Variants in CLNK observed in about 807,000 individuals in gnomAD.
The protein encoded by CLNK is cytokine-dependent hematopoietic cell linker.
A neutral mutation model predicts 68.6 loss-of-function variants in CLNK; 74 were observed. The ratio of observed to expected loss-of-function variants is 1.08; its 90% confidence interval spans 0.89 to 1.31. The LOEUF (loss-of-function observed/expected upper bound fraction) is 1.31, where lower values mean the gene tolerates loss of function less well. CLNK is among the 50% of genes most tolerant of loss of function. CLNK has a pLI of 0.00. For synonymous variants in CLNK, 198 were observed against 172.2 expected (o/e 1.15, Z -1.17); for missense variants, 553 against 515.3 (o/e 1.07, Z -0.71).
intron 2 of CLNK, among the ~76,000 whole-genome samples, chr4:10,605,734 AG>A (rs1337857506): frequency 1.3e-5 from 2 of 150,880 alleles, no homozygotes; most frequent in African/African-American, 4.9e-5. Context: ...AGGCTGAGGC[AG>A]GAGAATCGCT....
At chr4:10,540,626 G>A (rs751435134) in intron 10 of CLNK, 22 bp from the exon 11 acceptor site, 3 of 1,568,148 alleles carry the variant, frequency 1.9e-6, no homozygotes, top group East Asian at 2.2e-5. Flanking sequence ...GTCGCAGTAG[G>A]GTCCTGAGAA....
chr4:10,604,879 A>T (rs1200969920), intron 2 of CLNK, among the ~76,000 whole-genome samples: 2 of 152,228 alleles, frequency 1.3e-5, no homozygotes, highest in Non-Finnish European at 2.9e-5. Flanking sequence ...TGTTTGTTCA[A>T]ACACCAGTGT....
In CLNK at chr4:10,611,646, C is replaced by T. The variant is rs946989961; in HGVS notation, c.12-13597G>A. 3.9e-5 allele frequency among the ~76,000 whole-genome samples: 6 copies of T among 152,104 alleles called. No individual in the cohort carries two copies. In the South Asian group the frequency reaches 1.2e-3, roughly 32 times the overall value. ...CTCCTGGTGCCACACTTTATGATCCCAGCAGGTCCACAAAAAAGAAGGGAA... is the reference window on the plus strand; with the variant it reads ...CTCCTGGTGCCACACTTTATGATCCTAGCAGGTCCACAAAAAAGAAGGGAA... On this transcript the variant is annotated intron_variant, in intron 2 of 18. Coordinates refer to ENST00000226951, the MANE Select transcript of CLNK (RefSeq NM_052964.4).
At chr4:10,511,945 A>T (rs1370782365) in intron 16 of CLNK, among the ~76,000 whole-genome samples, 1 of 152,234 alleles carries the variant, frequency 6.6e-6, no homozygotes, top group Non-Finnish European at 1.5e-5. Context: ...CAGAGTAGTG[A>T]TATAAAGTGA....
chr4:10,561,777 G>A (rs1719896041), intron 7 of CLNK, among the ~76,000 whole-genome samples: 1 of 152,208 alleles, frequency 6.6e-6, no homozygotes, highest in Non-Finnish European at 1.5e-5. Flanking sequence ...CAGGAAAATA[G>A]AAGAATTTTG....
chr4:10,536,822 T>C (rs1042908101), intron 11 of CLNK, among the ~76,000 whole-genome samples: 4 of 152,016 alleles, frequency 2.6e-5, no homozygotes, highest in African/African-American at 9.7e-5. Flanking sequence ...CCCAGAGATA[T>C]CAAATGCCAA....
chr4:10,513,553 G>T lies in CLNK; in HGVS notation c.817C>A (p.Pro273Thr). 1 of 1,608,486 alleles carries T rather than the reference G, an allele frequency of 6.2e-7. No individual in the cohort carries two copies. The highest frequency in any genetic ancestry group is 8.5e-7 in the Non-Finnish European group (1 of 1,177,220). The change falls in exon 16 of 19, where the codon CCT (proline) becomes ACT (threonine). Residue 273 changes from proline to threonine, a missense_variant. Pro to Thr is a conservative substitution (Grantham distance 38, BLOSUM62 -1). Transcript: ENST00000226951. ...MQPCSPQRCQ[P>T]PASCSPHENI... is the part of the protein sequence containing the mutation. ...TCGTGAGGGCTGCAGCTGGCTGGAGGCTGGCATCTCTGAGGAGAACAGGGC... is the reference window on the plus strand; with the variant it reads ...TCGTGAGGGCTGCAGCTGGCTGGAGTCTGGCATCTCTGAGGAGAACAGGGC...
At chr4:10,624,349 C>A (rs1209173973) in intron 2 of CLNK, among the ~76,000 whole-genome samples, 2 of 152,200 alleles carry the variant, frequency 1.3e-5, no homozygotes, top group African/African-American at 4.8e-5. Context: ...CTCTGCTGCC[C>A]AGGCGCCATC....
At chr4:10,706,956 CT>C in the CLNK span, among the ~76,000 whole-genome samples, 1 of 152,104 alleles carries the variant, frequency 6.6e-6, no homozygotes, top group African/African-American at 2.4e-5. Context: ...TTAGGCATGA[CT>C]TTTTAGTACA....
intron 18 of CLNK, among the ~76,000 whole-genome samples, chr4:10,498,650 G>C (rs990401986): frequency 1.3e-5 from 2 of 152,138 alleles, no homozygotes; most frequent in African/African-American, 2.4e-5. Context: ...TTATTAAAAT[G>C]ACTCAGGAAT....
At chr4:10,662,504 G>A (rs1463269177) in intron 2 of CLNK, among the ~76,000 whole-genome samples, 2 of 152,148 alleles carry the variant, frequency 1.3e-5, no homozygotes, top group Non-Finnish European at 2.9e-5. Context: ...TTGCATGTCA[G>A]GTTTTGCTGT....
intron 3 of CLNK, among the ~76,000 whole-genome samples, chr4:10,591,940 G>C (rs1174736818): frequency 6.6e-6 from 1 of 152,132 alleles, no homozygotes; most frequent in Non-Finnish European, 1.5e-5. Context: ...CCCTGAAGGG[G>C]ACCTGGGAAA....
At chr4:10,689,219 T>C (rs1048578678), upstream of CLNK, among the ~76,000 whole-genome samples, 1 of 151,986 alleles carries the variant, frequency 6.6e-6, no homozygotes, top group Non-Finnish European at 1.5e-5. Context: ...ACTGCAGCCT[T>C]GAACTCCTGG....
chr4:10,608,545 C>T (rs1041132177), intron 2 of CLNK, among the ~76,000 whole-genome samples: 3 of 152,226 alleles, frequency 2.0e-5, no homozygotes, highest in African/African-American at 4.8e-5. Context: ...AGCTTCGTCT[C>T]GAACCTTTTG....
chr4:10,571,364 C>A (rs769817018), intron 5 of CLNK, among the ~76,000 whole-genome samples: 12 of 115,052 alleles, frequency 1.0e-4, no homozygotes, highest in Non-Finnish European at 1.7e-4. Context: ...GACAGAGTTT[C>A]GCTCTTGCCG....
chr4:10,574,353 T>C (rs1194757141), intron 4 of CLNK, among the ~76,000 whole-genome samples: 1 of 152,218 alleles, frequency 6.6e-6, no homozygotes, highest in African/African-American at 2.4e-5. Context: ...GATTCCATAT[T>C]CATTTCTGCA....
At chr4:10,592,808 C>T (rs965896810) in intron 3 of CLNK, among the ~76,000 whole-genome samples, 2 of 152,110 alleles carry the variant, frequency 1.3e-5, no homozygotes, top group African/African-American at 2.4e-5. Flanking sequence ...TCACTGCAAC[C>T]TCCACCTCCC....
intron 1 of CLNK, among the ~76,000 whole-genome samples, chr4:10,674,257 G>T (rs932756989): frequency 3.9e-5 from 6 of 152,080 alleles, no homozygotes; most frequent in Non-Finnish European, 7.4e-5. Context: ...GTACAAAGGA[G>T]CCCAGGGTCC....
At chr4:10,617,135 CAAAAG>C (rs1722266909) in intron 2 of CLNK, among the ~76,000 whole-genome samples, 1 of 152,050 alleles carries the variant, frequency 6.6e-6, no homozygotes. Flanking sequence ...AATAGCAACA[CAAAAG>C]AAACAAAAAT....
Sources: allele counts gnomAD v4.1 joint callset (sites outside exome capture counted in the v4.1 genomes callset), GRCh38; gene constraint gnomAD v4.1.1; transcripts MANE v1.5; gene names NCBI Gene and HGNC (gene_info 2026-07-23, HGNC 2026-07-21).